CDK14: variants seen among roughly 807,000 people sequenced by gnomAD.
CDK14 encodes cyclin-dependent kinase 14.
In CDK14, 34 loss-of-function variants were observed where a neutral mutation model predicts 60.7. The observed-to-expected ratio is 0.56, with a 90% confidence interval of 0.43 to 0.75. CDK14 has a LOEUF of 0.75. Among genes scored for constraint, CDK14 ranks in the 30% least tolerant of loss-of-function variants. The pLI is 0.00. For missense variants in CDK14, 482 were observed against 564.1 expected (o/e 0.85, Z 1.47); for synonymous variants, 197 against 203.7 (o/e 0.97, Z 0.28).
intron 8 of CDK14, among the ~76,000 whole-genome samples, chr7:90,945,380 A>C (rs1341982102): frequency 6.6e-6 from 1 of 152,188 alleles, no homozygotes; most frequent in African/African-American, 2.4e-5. Context: ...CAAATGGGGC[A>C]ATTGAGGGGT....
At chr7:90,671,643 A>G (rs374827171) in intron 2 of CDK14, among the ~76,000 whole-genome samples, 9 of 152,084 alleles carry the variant, frequency 5.9e-5, no homozygotes, top group Admixed American at 5.9e-4. Context: ...AATAGGGGGC[A>G]TTTGATGGCA....
intron 10 of CDK14, among the ~76,000 whole-genome samples, chr7:91,033,900 G>A (rs188386403): frequency 2.0e-5 from 3 of 152,296 alleles, no homozygotes; most frequent in African/African-American, 7.2e-5. Context: ...AAATCCATAA[G>A]GGAATCAGGG....
chr7:90,657,935 C>T (rs1264578687), intron 2 of CDK14, among the ~76,000 whole-genome samples: 2 of 152,206 alleles, frequency 1.3e-5, no homozygotes, highest in African/African-American at 2.4e-5. Flanking sequence ...CACATCTTTG[C>T]TCCTTCTGTT....
chr7:90,906,913 G>A (rs1792726354), intron 7 of CDK14, among the ~76,000 whole-genome samples: 1 of 152,014 alleles, frequency 6.6e-6, no homozygotes, highest in Admixed American at 6.6e-5. Context: ...ATTTTAAAAA[G>A]CCAGTGTTAA....
chr7:90,709,529 G>T (rs1363056743), intron 2 of CDK14: 1 of 1,612,338 alleles, frequency 6.2e-7, no homozygotes, highest in Non-Finnish European at 8.5e-7. Flanking sequence ...GTTGTGAATT[G>T]CCTTGACAGC....
intron 2 of CDK14, among the ~76,000 whole-genome samples, chr7:90,636,942 C>G (rs1027875827): frequency 3.3e-5 from 5 of 150,862 alleles, no homozygotes; most frequent in African/African-American, 1.2e-4. Context: ...GTAGTATTCT[C>G]TGATGGTAGT....
Position 90,810,390 on chromosome 7 carries a change from A to T in CDK14, c.544+19738A>T, listed in dbSNP as rs562201672. Reference sequence around the variant, plus strand: ...AAAAACCACATGATTATCTGAATAGATGTGGAAAAGACCTTTGACAAAATT... The same window carrying T: ...AAAAACCACATGATTATCTGAATAGTTGTGGAAAAGACCTTTGACAAAATT... On this transcript the variant is annotated intron_variant, in intron 5 of 14. Coordinates refer to ENST00000380050, the MANE Select transcript of CDK14 (RefSeq NM_001287135.2). Among the ~76,000 whole-genome samples, 19 of 152,356 alleles carry T rather than the reference A, an allele frequency of 1.2e-4. No homozygotes were observed. The East Asian group carries it at 3.7e-3, about 29-fold the overall frequency.
chr7:90,952,811 G>A (rs183165754), intron 8 of CDK14, among the ~76,000 whole-genome samples: 77 of 152,308 alleles, frequency 5.1e-4, no homozygotes, highest in Non-Finnish European at 9.6e-4. Context: ...TTTCACACAT[G>A]CTGTGCTAAT....
chr7:91,135,516 C>G (rs1800253518), intron 14 of CDK14, among the ~76,000 whole-genome samples: 1 of 152,042 alleles, frequency 6.6e-6, no homozygotes, highest in Non-Finnish European at 1.5e-5. Flanking sequence ...TAAGAGTAGC[C>G]TCAGACAAGG....
chr7:91,098,378 A>T (rs116790600), intron 12 of CDK14, among the ~76,000 whole-genome samples: 1 of 152,136 alleles, frequency 6.6e-6, no homozygotes, highest in African/African-American at 2.4e-5. Context: ...TTTTTTAGGG[A>T]TAGCATTAGG....
chr7:90,671,621 T>C lies in CDK14; in HGVS notation c.124-54946T>C, dbSNP rs1297060590. ...CGTATATTTTTATCTTGTATGTTAC[T>C]TGGGGTGGCTCAATAGGGGGCATTT... On this transcript the variant is annotated intron_variant, in intron 2 of 14. Transcript: ENST00000380050. Among the ~76,000 whole-genome samples the C allele has an allele frequency of 2.0e-5, 3 of 152,266 alleles. No homozygotes were observed. The East Asian group carries it at 5.8e-4, about 29-fold the overall frequency.
chr7:90,818,524 C>T (rs906740923), intron 5 of CDK14, among the ~76,000 whole-genome samples: 12 of 152,176 alleles, frequency 7.9e-5, no homozygotes, highest in Non-Finnish European at 1.5e-4. Flanking sequence ...CTGGATACTT[C>T]TTATATTCCC....
intron 4 of CDK14, among the ~76,000 whole-genome samples, chr7:90,780,326 AGTAAT>A (rs1355332412): frequency 6.6e-6 from 1 of 152,126 alleles, no homozygotes; most frequent in Non-Finnish European, 1.5e-5. Context: ...AAAGTTTTAA[AGTAAT>A]GAAATGATTC....
chr7:90,977,871 CA>C (rs1444340481), intron 9 of CDK14, among the ~76,000 whole-genome samples: 1 of 152,080 alleles, frequency 6.6e-6, no homozygotes, highest in African/African-American at 2.4e-5. Context: ...AGGTGATGTC[CA>C]CAACCTTGTC....
chr7:91,023,012 A>G (rs1584240120), intron 10 of CDK14, among the ~76,000 whole-genome samples: 1 of 37,296 alleles, frequency 2.7e-5, no homozygotes, highest in African/African-American at 7.2e-5. Flanking sequence ...TTTGAAGTAT[A>G]TATTTTTTTT....
chr7:91,115,448 C>G (rs1799578744), intron 13 of CDK14, among the ~76,000 whole-genome samples: 1 of 152,110 alleles, frequency 6.6e-6, no homozygotes, highest in African/African-American at 2.4e-5. Flanking sequence ...TCATCTAACC[C>G]TAATTACCCT....
chr7:90,963,721 T>G (rs920235775), intron 9 of CDK14, among the ~76,000 whole-genome samples: 4 of 145,356 alleles, frequency 2.8e-5, no homozygotes, highest in African/African-American at 1.0e-4. Flanking sequence ...CTTTTTTTTT[T>G]TTTTTTTTTT....
intron 14 of CDK14, among the ~76,000 whole-genome samples, chr7:91,120,572 T>C (rs376083200): frequency 6.6e-6 from 1 of 151,740 alleles, no homozygotes; most frequent in Non-Finnish European, 1.5e-5. Flanking sequence ...TTCACTCTTT[T>C]GCCCAGGCTA....
At chr7:91,014,122 A>G (rs934057732) in intron 10 of CDK14, among the ~76,000 whole-genome samples, 10 of 152,108 alleles carry the variant, frequency 6.6e-5, no homozygotes, top group Non-Finnish European at 1.0e-4. Flanking sequence ...CATTCAGTTT[A>G]TCATAATCCA....
Sources: allele counts gnomAD v4.1 joint callset (sites outside exome capture counted in the v4.1 genomes callset), GRCh38; gene constraint gnomAD v4.1.1; transcripts MANE v1.5; gene names NCBI Gene and HGNC (gene_info 2026-07-23, HGNC 2026-07-21).